The following KIFAP3 variants were observed in gnomAD, a reference collection of about 807,000 sequenced individuals.
KIFAP3 encodes kinesin-associated protein 3.
Under a neutral mutation model 106.5 loss-of-function variants are expected in KIFAP3, and 68 were observed. That is an observed-to-expected ratio of 0.64 (90% confidence interval 0.53 to 0.78). The LOEUF (loss-of-function observed/expected upper bound fraction) is 0.78, where lower values mean the gene tolerates loss of function less well. KIFAP3 is among the 30% of genes least tolerant of loss of function. The pLI, the probability that KIFAP3 is intolerant of heterozygous loss-of-function variation, is 0.00. For synonymous variants in KIFAP3, 320 were observed against 311.5 expected (o/e 1.03, Z -0.29); for missense variants, 780 against 941.8 (o/e 0.83, Z 2.25).
At chr1:169,948,841 C>T (rs1424485144) in intron 19 of KIFAP3, among the ~76,000 whole-genome samples, 3 of 151,874 alleles carry the variant, frequency 2.0e-5, no homozygotes, top group Non-Finnish European at 2.9e-5. Flanking sequence ...TCATAATATA[C>T]AGTTCTAGTA....
intron 11 of KIFAP3, among the ~76,000 whole-genome samples, chr1:169,986,837 C>A (rs151156936): frequency 6.6e-5 from 10 of 151,702 alleles, no homozygotes; most frequent in Admixed American, 5.9e-4. Flanking sequence ...TGAAAATTAG[C>A]CTTAAACACA....
In KIFAP3 at chr1:170,074,440, T is replaced by C; in HGVS notation, c.28A>G (p.Lys10Glu). ...AGAGCCTTGGGGAGTCGTCACCTTT[T>C]GAGGTATCTGGCGTCCTCCCCTTGC... MQGEDARYL[K>E]RKVKGGNIDV... Residue 10 changes from lysine (K) to glutamate (E), a missense_variant, in exon 1 of 20, where the codon AAA (lysine) becomes GAA (glutamate). By Grantham distance (56) the Lys-to-Glu change is moderately conservative. This residue lies in a region of KIFAP3 where 588 missense variants were observed against 678.9 expected (regional missense o/e 0.87). Coordinates refer to ENST00000361580, the MANE Select transcript of KIFAP3 (RefSeq NM_014970.4). 1 of 1,614,092 alleles carries C rather than the reference T, an allele frequency of 6.2e-7. No homozygotes were observed. Among genetic ancestry groups the C allele is most frequent in the Non-Finnish European group, 8.5e-7 (1 of 1,179,984 alleles).
intron 15 of KIFAP3, among the ~76,000 whole-genome samples, chr1:169,978,994 A>G (rs1333122978): frequency 1.3e-5 from 2 of 152,212 alleles, no homozygotes; most frequent in East Asian, 3.9e-4. Flanking sequence ...GTATTCCCTC[A>G]CTTAATACCA....
intron 7 of KIFAP3, among the ~76,000 whole-genome samples, chr1:170,033,165 T>C (rs994714673): frequency 6.6e-5 from 10 of 151,880 alleles, no homozygotes; most frequent in African/African-American, 2.4e-4. Context: ...ATGGTATGCA[T>C]AGAAAATTTA....
intron 15 of KIFAP3, among the ~76,000 whole-genome samples, chr1:169,979,124 C>T (rs577463103): frequency 6.6e-6 from 1 of 152,222 alleles, no homozygotes; most frequent in South Asian, 2.1e-4. Flanking sequence ...CTGGCTGTGT[C>T]AGATCACTTT....
At chr1:169,987,904 T>C (rs1422383361) in intron 11 of KIFAP3, among the ~76,000 whole-genome samples, 5 of 152,134 alleles carry the variant, frequency 3.3e-5, no homozygotes, top group Non-Finnish European at 7.4e-5. Context: ...TGTTAATGTG[T>C]ACTTTTAACT....
At chr1:169,993,794 A>G (rs1250780443) in intron 10 of KIFAP3, among the ~76,000 whole-genome samples, 3 of 152,306 alleles carry the variant, frequency 2.0e-5, no homozygotes, top group Admixed American at 6.5e-5. Flanking sequence ...TTGAGGCAGG[A>G]GAATTGCTTG....
chr1:169,979,676 T>TG (rs1421099349), intron 15 of KIFAP3, among the ~76,000 whole-genome samples: 1 of 152,120 alleles, frequency 6.6e-6, no homozygotes, highest in Non-Finnish European at 1.5e-5. Context: ...CTTACACTAC[T>TG]GGTAAGAATG....
intron 10 of KIFAP3, among the ~76,000 whole-genome samples, chr1:170,013,447 T>C (rs1272697466): frequency 6.7e-6 from 1 of 150,156 alleles, no homozygotes; most frequent in Non-Finnish European, 1.5e-5. Context: ...ACTATTATTA[T>C]CTACATACTG....
At chr1:170,074,978 T>C (rs1671869886), upstream of KIFAP3, among the ~76,000 whole-genome samples, 1 of 152,196 alleles carries the variant, frequency 6.6e-6, no homozygotes, top group South Asian at 2.1e-4. Context: ...AGGTTTCTAT[T>C]TGGGGGCCTG....
chr1:169,954,179 A>AATAAGAAAAT, intron 18 of KIFAP3, 69 bp from the exon 19 acceptor site: 1 of 861,324 alleles, frequency 1.2e-6, no homozygotes, highest in Non-Finnish European at 1.9e-6. Context: ...CAAGCAATAC[A>AATAAGAAAAT]ATAAGAAAAT....
At chr1:170,022,909 C>T (rs980969760) in intron 9 of KIFAP3, among the ~76,000 whole-genome samples, 26 of 152,138 alleles carry the variant, frequency 1.7e-4, no homozygotes, top group Admixed American at 7.2e-4. Flanking sequence ...AAATCTAACT[C>T]TAATACATAC....
intron 10 of KIFAP3, among the ~76,000 whole-genome samples, chr1:170,014,441 A>C (rs1353311367): frequency 2.0e-5 from 3 of 152,200 alleles, no homozygotes; most frequent in Non-Finnish European, 4.4e-5. Flanking sequence ...TTATTGCTTT[A>C]TCTGAATTAC....
At position 170,013,230 on chromosome 1, in the gene KIFAP3, T is replaced by TAAGGG. The variant is rs1325943081; in HGVS notation, c.1183+3231_1183+3232insCCCTT. Among the ~76,000 whole-genome samples the TAAGGG allele has an allele frequency of 3.3e-5, 5 of 152,176 alleles. No homozygotes were observed. The South Asian group carries it at 1.0e-3, about 32-fold the overall frequency. On this transcript the variant is annotated intron_variant, in intron 10 of 19. Coordinates refer to ENST00000361580, the MANE Select transcript of KIFAP3 (RefSeq NM_014970.4). ...TTTATAAGTCACCCAGTCTATTCCCTTATAGAAACCTGAACGACCTAAGAT... is the reference window on the plus strand; with the variant it reads ...TTTATAAGTCACCCAGTCTATTCCCTAAGGGTATAGAAACCTGAACGACCTAAGAT...
chr1:170,049,505 T>G (rs1356854054), intron 2 of KIFAP3, among the ~76,000 whole-genome samples: 1 of 152,152 alleles, frequency 6.6e-6, no homozygotes, highest in East Asian at 1.9e-4. Flanking sequence ...GACTGCCTCC[T>G]CAAGTGGGTC....
At chr1:169,951,278 G>T (rs1664716607) in intron 19 of KIFAP3, among the ~76,000 whole-genome samples, 2 of 151,880 alleles carry the variant, frequency 1.3e-5, no homozygotes, top group South Asian at 4.1e-4. Context: ...AAAGACAAGA[G>T]ATGAAAGTCT....
intron 3 of KIFAP3, among the ~76,000 whole-genome samples, chr1:170,044,898 T>A (rs973953455): frequency 4.6e-5 from 7 of 152,226 alleles, no homozygotes; most frequent in African/African-American, 1.7e-4. Context: ...GAAAACTTTT[T>A]TTTCTTTTGA....
rs1043125635 is a variant in KIFAP3 at position 169,949,153 on chromosome 1, A to T, written c.2273+4858T>A. On this transcript the variant is annotated intron_variant, in intron 19 of 19. Transcript: ENST00000361580. ...AACTGTGATTTAATATTTGAAAAAA[A>T]AGAGACCAAAATAGAAGGCATATGT... 2.6e-5 allele frequency among the ~76,000 whole-genome samples: 4 copies of T among 151,952 alleles called. No individual in the cohort carries two copies. The South Asian group carries it at 8.3e-4, about 31-fold the overall frequency.
At chr1:170,078,280 T>C (rs116410800), upstream of KIFAP3, among the ~76,000 whole-genome samples, 1,091 of 152,272 alleles carry the variant, frequency 7.2e-3, 17 homozygotes, top group African/African-American at 0.024. Context: ...TCTCACTTGA[T>C]TTTAATTGAA....
Sources: allele counts gnomAD v4.1 joint callset (sites outside exome capture counted in the v4.1 genomes callset), GRCh38; gene constraint gnomAD v4.1.1; regional missense constraint gnomAD v4.1.1; transcripts MANE v1.5; gene names NCBI Gene and HGNC (gene_info 2026-07-23, HGNC 2026-07-21).